XYLT1: variants seen among roughly 807,000 people sequenced by gnomAD.
The protein encoded by XYLT1 is beta-D-xylosyltransferase 1.
A neutral mutation model predicts 91.3 loss-of-function variants in XYLT1; 36 were observed. That is an observed-to-expected ratio of 0.39 (90% CI 0.30 to 0.52). The LOEUF (loss-of-function observed/expected upper bound fraction) is 0.52. XYLT1 is among the 20% of genes least tolerant of loss of function. XYLT1 has a pLI of 0.68. For missense variants in XYLT1, 1,242 were observed against 1,284.5 expected (o/e 0.97, Z 0.51); for synonymous variants, 588 against 532.0 (o/e 1.11, Z -1.45).
intron 2 of XYLT1, among the ~76,000 whole-genome samples, chr16:17,311,741 T>C (rs1241879120): frequency 6.7e-6 from 1 of 149,742 alleles, no homozygotes; most frequent in Non-Finnish European, 1.5e-5. Context: ...GGTAATTTAT[T>C]AAGAAAAATA....
At position 17,138,531 on chromosome 16, in the gene XYLT1, A is replaced by C. The variant is rs148992515; in HGVS notation, c.1588T>G (p.Ser530Ala). The C allele has an allele frequency of 3.9e-5, 63 of 1,611,928 alleles. No individual in the cohort carries two copies. The highest frequency in any genetic ancestry group is 1.7e-4 in the Middle Eastern group (1 of 6,026). Reference protein sequence around the residue: ...FYSYTLLPAESFFHTVLENSP... With the variant: ...FYSYTLLPAEAFFHTVLENSP... ...TTCTCCAGGACCGTATGGAAGAAGG[A>C]CTGCAGGGGAGAGAGGGACCCAGCC... The change falls in exon 8 of 12, where the codon TCC (serine) becomes GCC (alanine). Residue 530 changes from serine (S) to alanine (A), a missense_variant and splice_region_variant. By Grantham distance (99) the Ser-to-Ala change is moderately conservative. This residue lies in a region of XYLT1 where 294 missense variants were observed against 376.0 expected (regional missense o/e 0.78). Transcript: ENST00000261381.
intron 1 of XYLT1, among the ~76,000 whole-genome samples, chr16:17,460,396 A>G (rs1401893986): frequency 6.6e-6 from 1 of 152,196 alleles, no homozygotes; most frequent in African/African-American, 2.4e-5. Flanking sequence ...GCTTATAAGA[A>G]TTTGCATATT....
intron 1 of XYLT1, among the ~76,000 whole-genome samples, chr16:17,433,569 C>T (rs1430218930): frequency 6.6e-6 from 1 of 152,162 alleles, no homozygotes; most frequent in African/African-American, 2.4e-5. Flanking sequence ...AAAGACAGAA[C>T]TTGGGGCTAG....
chr16:17,250,121 G>A (rs985381919), intron 3 of XYLT1: 1 of 152,246 alleles, frequency 6.6e-6, no homozygotes. Context: ...TATTCAGGTA[G>A]AAGCTCCATG....
chr16:17,331,650 A>T (rs1037691598), intron 2 of XYLT1, among the ~76,000 whole-genome samples: 4 of 152,172 alleles, frequency 2.6e-5, no homozygotes, highest in Admixed American at 2.6e-4. Flanking sequence ...ACACACACAT[A>T]TGGTAGATGT....
At chr16:17,138,325 G>C in intron 8 of XYLT1, 30 bp downstream of exon 8, 1 of 1,602,734 alleles carries the variant, frequency 6.2e-7, no homozygotes, top group Non-Finnish European at 8.5e-7. Flanking sequence ...GCATCACTTA[G>C]GAGGCTGGCA....
intron 9 of XYLT1, among the ~76,000 whole-genome samples, chr16:17,133,381 G>GAAAT (rs2030572220): frequency 6.6e-6 from 1 of 152,154 alleles, no homozygotes; most frequent in Non-Finnish European, 1.5e-5. Flanking sequence ...CTATCCTAAG[G>GAAAT]AAATAATCAA....
chr16:17,219,064 C>A (rs1335397702), intron 3 of XYLT1, among the ~76,000 whole-genome samples: 1 of 151,824 alleles, frequency 6.6e-6, no homozygotes, highest in Non-Finnish European at 1.5e-5. Context: ...GGTGGATCAC[C>A]TGAGGTCAAG....
intron 2 of XYLT1, among the ~76,000 whole-genome samples, chr16:17,291,426 C>CGAAA (rs2034224733): frequency 6.6e-6 from 1 of 152,184 alleles, no homozygotes; most frequent in Non-Finnish European, 1.5e-5. Context: ...GCCCAGGGGT[C>CGAAA]CTGCCCACTG....
chr16:17,456,089 C>T (rs1433451578), intron 1 of XYLT1, among the ~76,000 whole-genome samples: 1 of 152,016 alleles, frequency 6.6e-6, no homozygotes, highest in East Asian at 1.9e-4. Context: ...AAGGTGGAGG[C>T]CGTCACCCCA....
intron 1 of XYLT1, among the ~76,000 whole-genome samples, chr16:17,411,737 T>C (rs1304821488): frequency 6.6e-6 from 1 of 152,172 alleles, no homozygotes; most frequent in Non-Finnish European, 1.5e-5. Flanking sequence ...TTCACCTTCA[T>C]CGTGGGAGAA....
chr16:17,317,065 G>T (rs1033042881), intron 2 of XYLT1, among the ~76,000 whole-genome samples: 1 of 148,570 alleles, frequency 6.7e-6, no homozygotes, highest in African/African-American at 2.5e-5. Flanking sequence ...CTCGTGATCC[G>T]CCCGCCTCGG....
intron 11 of XYLT1, 42 bp downstream of exon 11, chr16:17,117,604 G>A (rs1966855071): frequency 1.3e-6 from 2 of 1,577,430 alleles, no homozygotes; most frequent in African/African-American, 1.3e-5. Context: ...AAGGTCCCCA[G>A]GGAAGGAGTA....
At chr16:17,375,637 T>G (rs2059283) in intron 1 of XYLT1, among the ~76,000 whole-genome samples, 78,773 of 152,104 alleles carry the variant, frequency 0.52, 22,388 homozygotes, top group African/African-American at 0.74. Flanking sequence ...ACAGTCAGAT[T>G]TGATAAGGCT....
At chr16:17,432,177 T>C (rs2036400517) in intron 1 of XYLT1, among the ~76,000 whole-genome samples, 1 of 152,226 alleles carries the variant, frequency 6.6e-6, no homozygotes, top group Non-Finnish European at 1.5e-5. Context: ...CTTAAAAAGT[T>C]AAATATAAAT....
chr16:17,198,563 G>C (rs760644088), intron 4 of XYLT1, 149 bp from the exon 5 acceptor site: 33 of 696,932 alleles, frequency 4.7e-5, no homozygotes, highest in Non-Finnish European at 7.6e-5. Context: ...TCCTGGACTG[G>C]AGTGTCTTTC....
chr16:17,309,272 G>C (rs952290436), intron 2 of XYLT1, among the ~76,000 whole-genome samples: 1 of 152,156 alleles, frequency 6.6e-6, no homozygotes, highest in Non-Finnish European at 1.5e-5. Flanking sequence ...CCCCGTAGTT[G>C]TAACAACTAA....
intron 1 of XYLT1, among the ~76,000 whole-genome samples, chr16:17,398,492 C>T (rs1000043429): frequency 6.6e-5 from 10 of 152,106 alleles, no homozygotes; most frequent in Non-Finnish European, 1.3e-4. Context: ...TGATTTTTTT[C>T]GGGGAGTAGA....
intron 1 of XYLT1, among the ~76,000 whole-genome samples, chr16:17,364,835 T>C (rs1217616985): frequency 6.6e-6 from 1 of 152,152 alleles, no homozygotes; most frequent in Non-Finnish European, 1.5e-5. Flanking sequence ...ACCGATATCC[T>C]GGTGTTAATC....
Sources: gnomAD v4.1 joint callset for allele counts (sites outside exome capture counted in the v4.1 genomes callset) on GRCh38, gnomAD v4.1.1 for gene constraint, gnomAD v4.1.1 regional missense constraint, MANE v1.5 for transcripts, NCBI Gene and HGNC (gene_info 2026-07-23, HGNC 2026-07-21) for gene names.